Variants in DNAJC13 observed in about 807,000 individuals in gnomAD.
DNAJC13 encodes the protein dnaJ homolog subfamily C member 13.
Under a neutral mutation model 290.5 loss-of-function variants are expected in DNAJC13, and 75 were observed. The ratio of observed to expected loss-of-function variants is 0.26; its 90% CI spans 0.21 to 0.31. The LOEUF (loss-of-function observed/expected upper bound fraction) is 0.31. DNAJC13 is among the 10% of genes least tolerant of loss of function. The pLI, the probability that DNAJC13 is intolerant of heterozygous loss-of-function variation, is 1.00. For synonymous variants in DNAJC13, 862 were observed against 892.0 expected, an observed-to-expected ratio of 0.97 and a Z score of 0.60; for missense variants, 2,260 against 2,674.5, an observed-to-expected ratio of 0.85 and a Z score of 3.42.
At chr3:132,430,765 A>C (rs2107646036) in intron 1 of DNAJC13, among the ~76,000 whole-genome samples, 1 of 152,256 alleles carries the variant, frequency 6.6e-6, no homozygotes, top group African/African-American at 2.4e-5. Context: ...GATACTGCCC[A>C]GGTTTCTTTT....
At chr3:132,421,061 T>C (rs1938945601) in intron 1 of DNAJC13, among the ~76,000 whole-genome samples, 1 of 152,202 alleles carries the variant, frequency 6.6e-6, no homozygotes, top group African/African-American at 2.4e-5. Flanking sequence ...GCAGTGAGCA[T>C]TGGATGGAGT....
In DNAJC13 at chr3:132,452,334, A is replaced by G. The variant is rs186553131; in HGVS notation, c.538-964A>G. ...CAATTCACTATAAATATGGTACTAT[A>G]CCAGATTTATTCAACAAACCTTTAT... On this transcript the variant is annotated intron_variant, in intron 6 of 55. Coordinates refer to ENST00000260818, the MANE Select transcript of DNAJC13 (RefSeq NM_015268.4). Among the ~76,000 whole-genome samples the G allele has an allele frequency of 3.3e-5, 5 of 152,334 alleles. No individual in the cohort carries two copies. In the East Asian group the frequency reaches 9.7e-4, roughly 29 times the overall value.
At chr3:132,435,026 C>T (rs1939342756) in intron 2 of DNAJC13, among the ~76,000 whole-genome samples, 1 of 152,114 alleles carries the variant, frequency 6.6e-6, no homozygotes, top group Admixed American at 6.5e-5. Flanking sequence ...CTAGTGAAGT[C>T]TAACCTTTTT....
intron 55 of DNAJC13, among the ~76,000 whole-genome samples, chr3:132,531,681 C>T (rs1253708030): frequency 6.6e-6 from 1 of 151,866 alleles, no homozygotes; most frequent in African/African-American, 2.4e-5. Flanking sequence ...CCTGTAGTCC[C>T]ATCTACTCGG....
At chr3:132,456,435 C>G in intron 10 of DNAJC13, 34 bp downstream of exon 10, 1 of 1,609,990 alleles carries the variant, frequency 6.2e-7, no homozygotes, top group Non-Finnish European at 8.5e-7. Flanking sequence ...TACATTTCCA[C>G]TCATCTACTT....
chr3:132,493,587 G>A (rs1285921499), intron 33 of DNAJC13, among the ~76,000 whole-genome samples: 1 of 152,008 alleles, frequency 6.6e-6, no homozygotes, highest in Non-Finnish European at 1.5e-5. Context: ...CTAGCTCCTT[G>A]GCACATAGGC....
In DNAJC13 at chr3:132,434,527, T is replaced by A; in HGVS notation, c.-13-11T>A. On this transcript the variant is annotated splice_polypyrimidine_tract_variant and intron_variant, in intron 1 of 55. Transcript: ENST00000260818. ...ACATGTACTAAGTGCCCTCATATTTTTATCTTCCAGGTTTGAGCACAAAAT... is the reference window on the plus strand; with the variant it reads ...ACATGTACTAAGTGCCCTCATATTTATATCTTCCAGGTTTGAGCACAAAAT... 1 of 1,598,300 alleles carries A rather than the reference T, an allele frequency of 6.3e-7. No homozygotes were observed. Among genetic ancestry groups the A allele is most frequent in the Non-Finnish European group, 8.5e-7 (1 of 1,169,756 alleles).
chr3:132,516,942 G>C, intron 48 of DNAJC13, 126 bp downstream of exon 48: 1 of 818,332 alleles, frequency 1.2e-6, no homozygotes, highest in Non-Finnish European at 1.9e-6. Context: ...TGTGAAAGTT[G>C]GAAAATTCAC....
rs530138821 is a variant in DNAJC13, at chr3:132,490,947, T to G, written c.3519T>G (p.Pro1173=). 10 of 1,612,098 alleles carry G rather than the reference T, an allele frequency of 6.2e-6. No homozygotes were observed. The African/African-American group carries it at 1.3e-4, about 22-fold the overall frequency. Residue 1173 remains proline (P), a synonymous_variant, in exon 32 of 56, where the codon CCT becomes CCG. Coordinates refer to ENST00000260818, the MANE Select transcript of DNAJC13 (RefSeq NM_015268.4). ...FQRSILGHIL[P]EAMVCYLENY... is the part of the protein sequence containing the mutation. ...GAAGTATACTTGGGCACATTCTACC[T>G]GAAGCAATGGTTTGTTACTTAGAAA...
At chr3:132,527,746 G>A (rs1376806702) in intron 53 of DNAJC13, among the ~76,000 whole-genome samples, 2 of 152,142 alleles carry the variant, frequency 1.3e-5, no homozygotes, top group Non-Finnish European at 2.9e-5. Context: ...GCTTTTATTA[G>A]GCTGATATGA....
chr3:132,452,749 G>A (rs1337542029), intron 6 of DNAJC13, among the ~76,000 whole-genome samples: 1 of 152,218 alleles, frequency 6.6e-6, no homozygotes, highest in South Asian at 2.1e-4. Flanking sequence ...GTCTGAAATA[G>A]TTCTGATCCC....
rs746064566 is a variant in DNAJC13, at chr3:132,456,717, C to T, written c.1234C>T (p.Leu412=). The change falls in exon 12 of 56, where the codon CTG becomes TTG. Residue 412 remains leucine, a synonymous_variant. Coordinates refer to ENST00000260818, the MANE Select transcript of DNAJC13 (RefSeq NM_015268.4). ...KLINNAITAL[L]SQEGDVVASN... is the part of the protein sequence containing the mutation. ...GATCAATAATGCCATAACAGCATTA[C>T]TGTCCCAAGAAGGGGATGTCGTTGC... 1.2e-6 allele frequency: 2 copies of T among 1,614,082 alleles called. No individual in the cohort carries two copies. Among genetic ancestry groups the T allele is most frequent in the Non-Finnish European group, 1.7e-6 (2 of 1,179,950 alleles).
At chr3:132,514,768 A>G (rs528090576) in intron 46 of DNAJC13, 98 bp downstream of exon 46, 13 of 829,382 alleles carry the variant, frequency 1.6e-5, no homozygotes, top group Middle Eastern at 2.3e-4. Context: ...AATGTCATCT[A>G]TGTTTAGTTT....
At chr3:132,418,032 C>T (rs1157922698) in intron 1 of DNAJC13, among the ~76,000 whole-genome samples, 1 of 152,100 alleles carries the variant, frequency 6.6e-6, no homozygotes, top group Non-Finnish European at 1.5e-5. Flanking sequence ...TACGCTCCTC[C>T]ACTCGCCTTA....
chr3:132,456,771 C>G lies in DNAJC13; in HGVS notation c.1288C>G (p.Gln430Glu). 1 of 1,614,074 alleles carries G rather than the reference C, an allele frequency of 6.2e-7. No individual in the cohort carries two copies. The change falls in exon 12 of 56, where the codon CAG becomes GAG. Residue 430 changes from glutamine (Q) to glutamate (E), a missense_variant. Transcript: ENST00000260818. ...ASNAELESQF[Q>E]AVRRLVASKA... ...AAATGCGGAACTTGAGAGTCAGTTC[C>G]AGGCTGTGAGGAGGCTTGTGGCATC...
chr3:132,478,231 A>G (rs1934539196), intron 24 of DNAJC13, 91 bp downstream of exon 24: 3 of 1,101,240 alleles, frequency 2.7e-6, no homozygotes, highest in Non-Finnish European at 3.8e-6. Flanking sequence ...CTGTTTGATC[A>G]CATTATTACT....
In DNAJC13 at chr3:132,494,128, A is replaced by G; in HGVS notation, c.3826-16A>G. ...TAGTTTTACTTTGATATAAATTTTAATCTTTTGTCTTTAAGGTTAAGCTTC... is the reference window on the plus strand; with the variant it reads ...TAGTTTTACTTTGATATAAATTTTAGTCTTTTGTCTTTAAGGTTAAGCTTC... On this transcript the variant is annotated splice_polypyrimidine_tract_variant and intron_variant, in intron 33 of 55. Transcript: ENST00000260818. 6.6e-7 allele frequency: 1 copy of G among 1,516,692 alleles called. No individual in the cohort carries two copies. The highest frequency in any genetic ancestry group is 9.0e-7 in the Non-Finnish European group (1 of 1,112,424). The allele number at this position is 1,516,692 out of a possible 1,614,324, so 94.0% of individuals were successfully genotyped here. A position where few individuals can be genotyped will look rare whatever the true frequency, so the allele number is the denominator to read the frequency against.
At chr3:132,443,487 A>T (rs184971836) in intron 2 of DNAJC13, among the ~76,000 whole-genome samples, 1 of 152,326 alleles carries the variant, frequency 6.6e-6, no homozygotes, top group East Asian at 1.9e-4. Flanking sequence ...GTTGTGACTA[A>T]TATTCTATAC....
intron 18 of DNAJC13, 84 bp downstream of exon 18, chr3:132,466,154 T>C (rs957439120): frequency 3.5e-5 from 50 of 1,418,136 alleles, no homozygotes; most frequent in Non-Finnish European, 4.8e-5. Flanking sequence ...AGGGGATGGT[T>C]TGTTTTTTAT....
Sources: gnomAD v4.1 joint callset for allele counts (sites outside exome capture counted in the v4.1 genomes callset) on GRCh38, gnomAD v4.1.1 for gene constraint, MANE v1.5 for transcripts, NCBI Gene and HGNC (gene_info 2026-07-23, HGNC 2026-07-21) for gene names.